Variants in USP53 observed in about 807,000 individuals in gnomAD.
USP53 encodes ubiquitin specific peptidase 53.
USP53 carries 71 observed loss-of-function variants against 94.9 expected under a neutral mutation model. The observed-to-expected ratio is 0.75, with a 90% CI of 0.62 to 0.91. USP53 has a LOEUF of 0.91. USP53 is among the 40% of genes least tolerant of loss of function. The pLI, the probability that USP53 is intolerant of heterozygous loss-of-function variation, is 0.00. For synonymous variants in USP53, 375 were observed against 422.7 expected (o/e 0.89, Z 1.39); for missense variants, 1,173 against 1,281.0 (o/e 0.92, Z 1.29).
chr4:119,237,950 T>C (rs567139972), intron 4 of USP53, among the ~76,000 whole-genome samples: 4 of 152,320 alleles, frequency 2.6e-5, no homozygotes, highest in African/African-American at 9.6e-5. Flanking sequence ...TCAGCTTTCG[T>C]AGAATTAAAG....
At chr4:119,215,710 C>T (rs1426114816) in intron 2 of USP53, among the ~76,000 whole-genome samples, 1 of 151,824 alleles carries the variant, frequency 6.6e-6, no homozygotes, top group Non-Finnish European at 1.5e-5. Flanking sequence ...CCAAAGATGT[C>T]CATGATACAA....
chr4:119,229,749 T>C (rs1034453867), intron 3 of USP53, among the ~76,000 whole-genome samples: 9 of 152,166 alleles, frequency 5.9e-5, no homozygotes, highest in Non-Finnish European at 1.2e-4. Flanking sequence ...TACTTGCAGA[T>C]TAATTTACCT....
intron 3 of USP53, among the ~76,000 whole-genome samples, chr4:119,222,859 A>G (rs1744734449): frequency 6.9e-6 from 1 of 144,574 alleles, no homozygotes; most frequent in Non-Finnish European, 1.5e-5. Context: ...CCTGGAACAC[A>G]TGTAATACAA....
At chr4:119,233,468 A>T (rs1488060883) in intron 3 of USP53, among the ~76,000 whole-genome samples, 5 of 152,070 alleles carry the variant, frequency 3.3e-5, no homozygotes, top group African/African-American at 4.8e-5. Flanking sequence ...TGAGAATCTT[A>T]TTAGATATTG....
At chr4:119,273,565 T>TC in intron 16 of USP53, 67 bp from the exon 17 acceptor site, 1 of 1,277,578 alleles carries the variant, frequency 7.8e-7, no homozygotes, top group Non-Finnish European at 1.1e-6. Context: ...CAAATGTTGT[T>TC]TTTTTTTAGA....
At chr4:119,290,923 T>G (rs1754683572) in intron 17 of USP53, among the ~76,000 whole-genome samples, 1 of 152,180 alleles carries the variant, frequency 6.6e-6, no homozygotes, top group South Asian at 2.1e-4. Context: ...GGAACAGCAC[T>G]ATTCCATCAT....
Position 119,292,753 on chromosome 4 carries a change from C to A in USP53, c.2764C>A (p.Pro922Thr). 1 of 1,614,028 alleles carries A rather than the reference C, an allele frequency of 6.2e-7. No individual in the cohort carries two copies. Among genetic ancestry groups the A allele is most frequent in the Non-Finnish European group, 8.5e-7 (1 of 1,179,966 alleles). Residue 922 changes from proline to threonine, a missense_variant, in exon 19 of 19, where the codon CCC (proline) becomes ACC (threonine). By Grantham distance (38) the Pro-to-Thr change is conservative. Transcript: ENST00000692078. Reference protein sequence around the residue: ...MPKLFCQNLPPPLPPKKYAIT... With the variant: ...MPKLFCQNLPTPLPPKKYAIT... ...AAAACTTTTTTGCCAGAATCTACCA[C>A]CCCCTTTGCCACCAAAGAAATATGC...
In USP53 at chr4:119,275,673, G is replaced by A. The variant is rs971680954; in HGVS notation, c.2251+1965G>A. Among the ~76,000 whole-genome samples, 905 of 151,844 alleles carry A rather than the reference G, an allele frequency of 6.0e-3. 10 individuals are homozygous for A. Among genetic ancestry groups the A allele is most frequent in the African/African-American group, 0.021 (852 of 41,502 alleles). On this transcript the variant is annotated intron_variant, in intron 17 of 18. Coordinates refer to ENST00000692078, the MANE Select transcript of USP53 (RefSeq NM_001371395.1). The stretch of plus-strand genomic sequence containing the variant: ...GCTTGATGGGGATAGCATTGAATCT[G>A]TAAATTACCTTGGGCAGTATGGCCA...
At chr4:119,238,964 A>G (rs1191586487) in intron 4 of USP53, among the ~76,000 whole-genome samples, 3 of 152,128 alleles carry the variant, frequency 2.0e-5, no homozygotes, top group Non-Finnish European at 1.5e-5. Flanking sequence ...TTTATTCTAG[A>G]TTTTTGGATA....
intron 17 of USP53, among the ~76,000 whole-genome samples, chr4:119,279,807 G>A (rs570629486): frequency 2.0e-5 from 3 of 152,334 alleles, no homozygotes; most frequent in East Asian, 1.9e-4. Flanking sequence ...CTCGTGGTTC[G>A]CCGCTTTTTA....
In USP53 at chr4:119,292,690, A is replaced by G. The variant is rs770147860; in HGVS notation, c.2701A>G (p.Ile901Val). The G allele has an allele frequency of 3.7e-6, 6 of 1,613,928 alleles. No individual in the cohort carries two copies. In the African/African-American group the frequency reaches 5.3e-5, roughly 14 times the overall value. ...GAACTCTCTATCCACAGAATGTATA[A>G]TTCGGTCAGCCAGCAGATCTGATGG... Reference protein sequence around the residue: ...FENSLSTECIIRSASRSDGCQ... With the variant: ...FENSLSTECIVRSASRSDGCQ... The change falls in exon 19 of 19, where the codon ATT (isoleucine) becomes GTT (valine). Residue 901 changes from isoleucine (I) to valine (V), a missense_variant. Coordinates refer to ENST00000692078, the MANE Select transcript of USP53 (RefSeq NM_001371395.1).
In USP53 at chr4:119,216,379, TAA is replaced by T. The variant is rs34476597; in HGVS notation, c.-788-1157_-788-1156del. On this transcript the variant is annotated intron_variant, in intron 2 of 18. Transcript: ENST00000692078. ...CTGGGCGACCGAGTGAGACTCTGTC[TAA>T]AAAAAAAAAAAAATCATTAAGTAGT... Among the ~76,000 whole-genome samples the T allele has an allele frequency of 5.5e-3, 812 of 146,580 alleles. 6 individuals are homozygous for T. The highest frequency in any genetic ancestry group is 0.012 in the African/African-American group (474 of 40,022).
At chr4:119,221,857 C>G (rs536683724) in intron 3 of USP53, among the ~76,000 whole-genome samples, 1 of 152,206 alleles carries the variant, frequency 6.6e-6, no homozygotes, top group African/African-American at 2.4e-5. Flanking sequence ...CACAGCAGAG[C>G]AAAGGAGAGA....
chr4:119,260,797 A>G (rs1750397438), intron 11 of USP53, 144 bp downstream of exon 11: 3 of 839,912 alleles, frequency 3.6e-6, no homozygotes, highest in Middle Eastern at 2.8e-4. Flanking sequence ...ATGGCTTTCA[A>G]TTACAAACTA....
intron 15 of USP53, among the ~76,000 whole-genome samples, chr4:119,270,732 T>C (rs1751751545): frequency 6.6e-6 from 1 of 152,232 alleles, no homozygotes; most frequent in African/African-American, 2.4e-5. Flanking sequence ...CTTTACAGGC[T>C]GATTTAAGAT....
Position 119,239,658 on chromosome 4 carries a change from C to A in USP53, c.-102C>A. 1.5e-6 allele frequency: 2 copies of A among 1,299,162 alleles called. No homozygotes were observed. Among genetic ancestry groups the A allele is most frequent in the Non-Finnish European group, 1.0e-6 (1 of 957,644 alleles). 80.5% of individuals were successfully genotyped at this position (1,299,162 alleles called of 1,614,324 possible). On this transcript the variant is annotated 5_prime_UTR_variant, in exon 5 of 19. It introduces an in-frame stop codon into an upstream open reading frame of the 5' UTR. Transcript: ENST00000692078. The stretch of plus-strand genomic sequence containing the variant: ...AAACTTACATTATTAAAATAGACTG[C>A]AGTGGATTTAATTGGACAATTCAAG...
intron 12 of USP53, among the ~76,000 whole-genome samples, chr4:119,264,068 C>T (rs1458508248): frequency 6.6e-6 from 1 of 152,004 alleles, no homozygotes. Context: ...CGTCTCAAAA[C>T]AAACAAACAA....
At chr4:119,254,703 C>T (rs1206352710) in intron 7 of USP53, among the ~76,000 whole-genome samples, 1 of 152,112 alleles carries the variant, frequency 6.6e-6, no homozygotes, top group African/African-American at 2.4e-5. Flanking sequence ...TTATTACTGA[C>T]CTTCTGAAGC....
Position 119,268,358 on chromosome 4 carries a change from C to G in USP53, c.1226C>G (p.Pro409Arg), listed in dbSNP as rs765541286. ...QAKQRENQKF[P>R]TDNISSSNRS... ...AAGCAGAGAGAAAATCAGAAATTTCCAACTGATAATATTTCATCATCTAAT... is the reference window on the plus strand; with the variant it reads ...AAGCAGAGAGAAAATCAGAAATTTCGAACTGATAATATTTCATCATCTAAT... Residue 409 changes from proline (P) to arginine (R), a missense_variant, in exon 14 of 19, where the codon CCA (proline) becomes CGA (arginine). Coordinates refer to ENST00000692078, the MANE Select transcript of USP53 (RefSeq NM_001371395.1). 6.2e-7 allele frequency: 1 copy of G among 1,613,694 alleles called. No individual in the cohort carries two copies. The highest frequency in any genetic ancestry group is 8.5e-7 in the Non-Finnish European group (1 of 1,179,832).
Sources: gnomAD v4.1 joint callset for allele counts (sites outside exome capture counted in the v4.1 genomes callset) on GRCh38, gnomAD v4.1.1 for gene constraint, MANE v1.5 for transcripts, NCBI Gene and HGNC (gene_info 2026-07-23, HGNC 2026-07-21) for gene names.